Variants in GAB1 observed in about 807,000 individuals in gnomAD.
The protein encoded by GAB1 is GRB2 associated binding protein 1.
A neutral mutation model predicts 66.5 loss-of-function variants in GAB1; 19 were observed. The ratio of observed to expected loss-of-function variants is 0.29; its 90% CI spans 0.20 to 0.42. The LOEUF (loss-of-function observed/expected upper bound fraction) is 0.42, where lower values mean the gene tolerates loss of function less well. GAB1 is among the 10% of genes least tolerant of loss of function. GAB1 has a pLI of 1.00. For synonymous variants in GAB1, 294 were observed against 301.4 expected (o/e 0.98, Z 0.25); for missense variants, 732 against 858.5 (o/e 0.85, Z 1.84).
chr4:143,357,310 G>A (rs918044787), intron 1 of GAB1, among the ~76,000 whole-genome samples: 2 of 152,172 alleles, frequency 1.3e-5, no homozygotes, highest in African/African-American at 4.8e-5. Flanking sequence ...CCTGACATCT[G>A]TATCTGTTCA....
At chr4:143,444,534 A>G (rs1734406872) in intron 6 of GAB1, among the ~76,000 whole-genome samples, 1 of 152,082 alleles carries the variant, frequency 6.6e-6, no homozygotes, top group Non-Finnish European at 1.5e-5. Flanking sequence ...TGCTCTAAAC[A>G]TTTTTTCAAG....
At chr4:143,438,908 A>G (rs1270580774) in intron 4 of GAB1, among the ~76,000 whole-genome samples, 2 of 152,120 alleles carry the variant, frequency 1.3e-5, no homozygotes, top group Non-Finnish European at 2.9e-5. Context: ...ACAGAAGGGC[A>G]GGAAATGGAC....
intron 6 of GAB1, among the ~76,000 whole-genome samples, chr4:143,442,643 A>G (rs10016745): frequency 0.019 from 2,870 of 152,248 alleles, 99 homozygotes; most frequent in African/African-American, 0.065. Context: ...CATGTATACT[A>G]CATATTTTAT....
rs1174886449 is a variant in GAB1, at chr4:143,470,456, G to A, written c.*1267G>A. On this transcript the variant is annotated 3_prime_UTR_variant, in exon 10 of 10. Coordinates refer to ENST00000262994, the MANE Select transcript of GAB1 (RefSeq NM_002039.4). Reference sequence around the variant, plus strand: ...CTACAATGTGAAATGTTATAGTCATGGACTCCTTCCAACCAGATTTCTGAA... The same window carrying A: ...CTACAATGTGAAATGTTATAGTCATAGACTCCTTCCAACCAGATTTCTGAA... 1 of 152,048 alleles carries A rather than the reference G, an allele frequency of 6.6e-6. No individual in the cohort carries two copies. Among genetic ancestry groups the A allele is most frequent in the African/African-American group, 2.4e-5 (1 of 41,392 alleles). 9.4% of individuals were successfully genotyped at this position (152,048 alleles called of 1,614,324 possible).
At chr4:143,456,726 C>T (rs564338246) in intron 6 of GAB1, among the ~76,000 whole-genome samples, 7 of 152,300 alleles carry the variant, frequency 4.6e-5, no homozygotes, top group Admixed American at 2.0e-4. Flanking sequence ...GATATCAGCA[C>T]TTAACCAGCA....
At chr4:143,446,737 T>C (rs1734572435) in intron 6 of GAB1, among the ~76,000 whole-genome samples, 1 of 152,136 alleles carries the variant, frequency 6.6e-6, no homozygotes, top group African/African-American at 2.4e-5. Context: ...TCTCCCATTT[T>C]GTAAGTTGCC....
intron 2 of GAB1, chr4:143,425,636 G>A (rs1338376534): frequency 6.6e-6 from 5 of 761,390 alleles, no homozygotes; most frequent in African/African-American, 1.7e-5. Flanking sequence ...GGGAGGTCAT[G>A]CCTGAACTCT....
At chr4:143,450,799 G>A (rs985883774) in intron 6 of GAB1, among the ~76,000 whole-genome samples, 1 of 151,986 alleles carries the variant, frequency 6.6e-6, no homozygotes, top group Non-Finnish European at 1.5e-5. Context: ...GCTAAGACAG[G>A]AGAATTGCTT....
chr4:143,416,011 T>G (rs1732661467), intron 2 of GAB1, among the ~76,000 whole-genome samples: 1 of 152,172 alleles, frequency 6.6e-6, no homozygotes, highest in African/African-American at 2.4e-5. Context: ...AAGTAAAAGG[T>G]GACAAGAAGA....
chr4:143,378,978 C>A (rs1730540428), intron 1 of GAB1, among the ~76,000 whole-genome samples: 1 of 152,108 alleles, frequency 6.6e-6, no homozygotes, highest in Non-Finnish European at 1.5e-5. Context: ...TAGCCTTAGG[C>A]CCCGAAGCCA....
intron 1 of GAB1, among the ~76,000 whole-genome samples, chr4:143,414,234 C>T (rs370647240): frequency 2.6e-5 from 4 of 152,082 alleles, no homozygotes; most frequent in Non-Finnish European, 5.9e-5. Flanking sequence ...TGTCTAGCTG[C>T]CTCCCTGAGG....
At chr4:143,410,424 C>T (rs1236575160) in intron 1 of GAB1, among the ~76,000 whole-genome samples, 1 of 152,206 alleles carries the variant, frequency 6.6e-6, no homozygotes, top group Admixed American at 6.5e-5. Flanking sequence ...ATATTACAGC[C>T]ATTAATGGCT....
Position 143,370,082 on chromosome 4 carries a change from C to T in GAB1, c.72+32822C>T, listed in dbSNP as rs139775546. ...CATTGGTCAGGGACCTGGTGGGAGG[C>T]GGATGGCACACACAAGTTGGATAAT... On this transcript the variant is annotated intron_variant, in intron 1 of 9. Coordinates refer to ENST00000262994, the MANE Select transcript of GAB1 (RefSeq NM_002039.4). Among the ~76,000 whole-genome samples, 1,094 of 152,166 alleles carry T rather than the reference C, an allele frequency of 7.2e-3. 17 individuals carry two copies. Among genetic ancestry groups the T allele is most frequent in the African/African-American group, 0.023 (939 of 41,514 alleles).
chr4:143,386,003 G>A (rs532922916), intron 1 of GAB1, among the ~76,000 whole-genome samples: 11 of 152,194 alleles, frequency 7.2e-5, no homozygotes, highest in South Asian at 2.1e-4. Context: ...CTAACCAGGC[G>A]TGGCTGTGCG....
intron 1 of GAB1, among the ~76,000 whole-genome samples, chr4:143,340,711 A>G (rs1455743193): frequency 5.3e-5 from 8 of 152,170 alleles, no homozygotes; most frequent in Non-Finnish European, 1.5e-5. Context: ...GGATTTCGCC[A>G]GGCTGGTCTC....
At chr4:143,374,828 T>C (rs1730342462) in intron 1 of GAB1, among the ~76,000 whole-genome samples, 2 of 152,226 alleles carry the variant, frequency 1.3e-5, no homozygotes, top group African/African-American at 4.8e-5. Flanking sequence ...AAGCAAGTTG[T>C]TCCCATTGTG....
In GAB1 at chr4:143,455,445, G is replaced by T. The variant is rs183582822; in HGVS notation, c.1586-3940G>T. On this transcript the variant is annotated intron_variant, in intron 6 of 9. Coordinates refer to ENST00000262994, the MANE Select transcript of GAB1 (RefSeq NM_002039.4). ...ACCACAAACTTAGATAAGATACTGG[G>T]GTAGCAAAGCTGAGAAATGCAAAGA... Among the ~76,000 whole-genome samples, 158 of 152,234 alleles carry T rather than the reference G, an allele frequency of 1.0e-3. 3 individuals carry two copies. Among genetic ancestry groups the T allele is most frequent in the Non-Finnish European group, 3.8e-4 (26 of 68,020 alleles).
At chr4:143,375,706 A>G (rs28989220) in intron 1 of GAB1, among the ~76,000 whole-genome samples, 1 of 152,240 alleles carries the variant, frequency 6.6e-6, no homozygotes, top group Non-Finnish European at 1.5e-5. Context: ...CAAATCATTT[A>G]GTTTCCTAAG....
At chr4:143,440,981 ATTAT>A (rs1734198252) in intron 6 of GAB1, among the ~76,000 whole-genome samples, 1 of 152,230 alleles carries the variant, frequency 6.6e-6, no homozygotes, top group Non-Finnish European at 1.5e-5. Flanking sequence ...ATTTGACATA[ATTAT>A]TTAAGAACAG....
Sources: allele counts gnomAD v4.1 joint callset (sites outside exome capture counted in the v4.1 genomes callset), GRCh38; gene constraint gnomAD v4.1.1; transcripts MANE v1.5; gene names NCBI Gene and HGNC (gene_info 2026-07-23, HGNC 2026-07-21).